PCYT1B: variants seen among roughly 807,000 people sequenced by gnomAD.
PCYT1B encodes choline-phosphate cytidylyltransferase B.
A neutral mutation model predicts 26.4 loss-of-function variants in PCYT1B; 10 were observed. That is an observed-to-expected ratio of 0.38 (90% confidence interval 0.23 to 0.64). PCYT1B has a LOEUF of 0.64. Among genes scored for constraint, PCYT1B ranks in the 30% least tolerant of loss-of-function variants. The pLI is 0.56. For missense variants in PCYT1B, 161 were observed against 292.7 expected (o/e 0.55, Z 3.28); for synonymous variants, 131 against 108.4 (o/e 1.21, Z -1.29).
At chrX:24,639,569 G>T (rs1425804525) in intron 1 of PCYT1B, among the ~76,000 whole-genome samples, 1 of 111,447 alleles carries the variant, frequency 9.0e-6, no homozygotes, top group African/African-American at 3.3e-5. Flanking sequence ...ACAGCCTGGA[G>T]GCCTCAGGAG....
intron 7 of PCYT1B, among the ~76,000 whole-genome samples, chrX:24,570,056 G>A (rs1004228957): frequency 1.3e-4 from 14 of 106,706 alleles, no homozygotes; most frequent in Admixed American, 4.0e-4. Context: ...TGGTGGTGGC[G>A]CACGCCTGTA....
intron 1 of PCYT1B, among the ~76,000 whole-genome samples, chrX:24,665,838 G>C (rs1453743732): frequency 1.8e-5 from 2 of 110,983 alleles, no homozygotes; most frequent in Non-Finnish European, 3.8e-5. Context: ...AGGCAGGTAG[G>C]TGCACAAGTC....
In PCYT1B at chrX:24,639,899, G is replaced by A. The variant is rs187483253; in HGVS notation, c.117+7090C>T. Among the ~76,000 whole-genome samples the A allele has an allele frequency of 8.1e-5, 9 of 110,911 alleles. No homozygotes were observed. The East Asian group carries it at 2.3e-3, about 28-fold the overall frequency. ...TTCATCAGTTGTCCCCATCACCATC[G>A]CCCCTTCCCTCTCCCACTGGCTCTT... On this transcript the variant is annotated intron_variant, in intron 1 of 7. Transcript: ENST00000379144.
chrX:24,671,168 C>G (rs1927247181), intron 1 of PCYT1B, among the ~76,000 whole-genome samples: 4 of 110,828 alleles, frequency 3.6e-5, no homozygotes, highest in Admixed American at 2.9e-4. Flanking sequence ...GGGGGTTTCA[C>G]CATGTTGGCC....
At chrX:24,628,045 G>A (rs1015774893) in intron 1 of PCYT1B, among the ~76,000 whole-genome samples, 1 of 111,993 alleles carries the variant, frequency 8.9e-6, no homozygotes, top group Non-Finnish European at 1.9e-5. Flanking sequence ...TCCAAGTGGA[G>A]ATGTCAGGTA....
At chrX:24,563,908 G>A (rs1353645080) in intron 7 of PCYT1B, among the ~76,000 whole-genome samples, 5 of 111,633 alleles carry the variant, frequency 4.5e-5, no homozygotes, top group African/African-American at 1.3e-4. Flanking sequence ...AAGGCCAGGC[G>A]CGGTGGCTTA....
chrX:24,672,859 C>T, upstream of PCYT1B, among the ~76,000 whole-genome samples: 1 of 112,004 alleles, frequency 8.9e-6, no homozygotes, highest in African/African-American at 3.2e-5. Context: ...CTCCTCTTGT[C>T]CCCTCTGGGC....
chrX:24,571,500 T>TATCATCATC (rs59226167), intron 7 of PCYT1B, among the ~76,000 whole-genome samples: 10,333 of 105,293 alleles, frequency 0.098, 725 homozygotes, highest in African/African-American at 0.23. Flanking sequence ...TCTTATTTAC[T>TATCATCATC]ATCATCATCA....
intron 1 of PCYT1B, among the ~76,000 whole-genome samples, chrX:24,640,059 G>A (rs769482789): frequency 7.1e-5 from 8 of 111,912 alleles, no homozygotes; most frequent in African/African-American, 2.6e-4. Context: ...TGAAAGGAAC[G>A]AAAGAAGGAA....
At chrX:24,614,342 G>A (rs182320459) in intron 2 of PCYT1B, among the ~76,000 whole-genome samples, 1 of 111,711 alleles carries the variant, frequency 9.0e-6, no homozygotes, top group East Asian at 2.8e-4. Context: ...CACATTTTAG[G>A]CAATTATATT....
At chrX:24,567,417 T>C (rs983062918) in intron 7 of PCYT1B, among the ~76,000 whole-genome samples, 2 of 112,229 alleles carry the variant, frequency 1.8e-5, no homozygotes, top group African/African-American at 3.2e-5. Context: ...CGGAATTCAA[T>C]ACAGTCAGGA....
At chrX:24,634,357 T>C (rs1246719571) in intron 1 of PCYT1B, among the ~76,000 whole-genome samples, 1 of 112,561 alleles carries the variant, frequency 8.9e-6, no homozygotes, top group African/African-American at 3.2e-5. Context: ...CTTATTGCAA[T>C]ATACTGCAGT....
intron 1 of PCYT1B, among the ~76,000 whole-genome samples, chrX:24,630,327 G>A (rs1358166815): frequency 2.7e-5 from 3 of 111,441 alleles, no homozygotes; most frequent in African/African-American, 6.5e-5. Flanking sequence ...ACAGAGTCTC[G>A]CTCTGTCACC....
chrX:24,658,201 T>A (rs1242602140), intron 1 of PCYT1B: 2 of 112,195 alleles, frequency 1.8e-5, no homozygotes, highest in African/African-American at 6.5e-5. Context: ...ATTACAATCA[T>A]CGGACTTTAT....
intron 5 of PCYT1B, among the ~76,000 whole-genome samples, chrX:24,579,705 G>C (rs1028643144): frequency 5.4e-5 from 6 of 111,144 alleles, no homozygotes. Context: ...GGCCCCTGCT[G>C]TTTATCCATG....
intron 1 of PCYT1B, among the ~76,000 whole-genome samples, chrX:24,634,095 A>T (rs771312859): frequency 1.7e-3 from 184 of 110,075 alleles, no homozygotes; most frequent in African/African-American, 5.3e-3. Context: ...AAAAAAAAAA[A>T]TTTTGTAGAG....
At chrX:24,563,956 C>T (rs888186743) in intron 7 of PCYT1B, among the ~76,000 whole-genome samples, 1 of 111,097 alleles carries the variant, frequency 9.0e-6, no homozygotes, top group African/African-American at 3.3e-5. Context: ...CCAAGTCGGG[C>T]AGATCATTTG....
At chrX:24,616,252 TAA>T (rs374749107) in intron 2 of PCYT1B, among the ~76,000 whole-genome samples, 2,230 of 68,469 alleles carry the variant, frequency 0.033, 146 homozygotes, top group Admixed American at 0.064. Flanking sequence ...TTTTTTTTTT[TAA>T]AAAAACAGAG....
At chrX:24,659,191 A>C (rs1926982949) in intron 1 of PCYT1B, among the ~76,000 whole-genome samples, 1 of 111,877 alleles carries the variant, frequency 8.9e-6, no homozygotes, top group African/African-American at 3.2e-5. Flanking sequence ...GATAGCCTTC[A>C]CGTTGAAAGC....
Sources: allele counts gnomAD v4.1 joint callset (sites outside exome capture counted in the v4.1 genomes callset), GRCh38; gene constraint gnomAD v4.1.1; transcripts MANE v1.5; gene names NCBI Gene and HGNC (gene_info 2026-07-23, HGNC 2026-07-21).